Variants in TRANK1 observed in about 807,000 individuals in gnomAD.
The protein encoded by TRANK1 is tetratricopeptide repeat and ankyrin repeat containing 1, also known as TPR and ankyrin repeat-containing protein 1.
Under a neutral mutation model 266.0 loss-of-function variants are expected in TRANK1, and 198 were observed. The ratio of observed to expected loss-of-function variants is 0.74; its 90% CI spans 0.66 to 0.84. TRANK1 has a LOEUF of 0.84. Ranked by LOEUF, TRANK1 falls within the 40% of genes least tolerant of loss-of-function variation. The pLI is 0.00. For synonymous variants in TRANK1, 1,396 were observed against 1,384.1 expected, an observed-to-expected ratio of 1.01 and a Z score of -0.19; for missense variants, 3,326 against 3,634.6, an observed-to-expected ratio of 0.92 and a Z score of 2.18.
chr3:36,937,912 A>T (rs139869838), intron 1 of TRANK1, among the ~76,000 whole-genome samples: 1 of 152,296 alleles, frequency 6.6e-6, no homozygotes, highest in African/African-American at 2.4e-5. Flanking sequence ...CAGCCCAGGC[A>T]TCTCCCCACC....
chr3:36,857,548 G>A lies in TRANK1; in HGVS notation c.2174C>T (p.Pro725Leu), dbSNP rs750378281. ...CATAAGGCAGTCTCTCAGCGAGCAG[G>A]GCCTGAGAGCTCCAGGCTCCTTCCT... ...VTRKEPGALRPCSLRDCLMQD... is the reference protein window; with the variant it reads ...VTRKEPGALRLCSLRDCLMQD... Residue 725 changes from proline to leucine, a missense_variant, in exon 13 of 24, where the codon CCC becomes CTC. Coordinates refer to ENST00000645898, the MANE Select transcript of TRANK1 (RefSeq NM_001329998.2). This position sits in a 1 kb window ranked among gnomAD's most constrained non-coding sequence, Gnocchi z 4.3. 3.7e-6 allele frequency: 6 copies of A among 1,613,998 alleles called. No homozygotes were observed. The highest frequency in any genetic ancestry group is 3.4e-6 in the Non-Finnish European group (4 of 1,179,902).
At chr3:36,837,454 T>TCAC (rs2078785797) in intron 20 of TRANK1, among the ~76,000 whole-genome samples, 1 of 152,074 alleles carries the variant, frequency 6.6e-6, no homozygotes, top group African/African-American at 2.4e-5. Context: ...ATCCCATGAG[T>TCAC]CACCATATTT....
chr3:36,839,175 G>C (rs2078810319), intron 18 of TRANK1, among the ~76,000 whole-genome samples: 2 of 152,168 alleles, frequency 1.3e-5, no homozygotes, highest in African/African-American at 4.8e-5. Flanking sequence ...ACACGTACTG[G>C]AGGTAGAAAT....
chr3:36,878,789 A>C (rs942904583), intron 8 of TRANK1, among the ~76,000 whole-genome samples: 60 of 144,982 alleles, frequency 4.1e-4, no homozygotes, highest in African/African-American at 1.4e-3. Context: ...AAAAAAAAAA[A>C]GAAAGAAAAG....
In TRANK1 at chr3:36,856,647, G is replaced by A. The variant is rs2079059190; in HGVS notation, c.3075C>T (p.Asn1025=). The A allele has an allele frequency of 7.4e-6, 12 of 1,614,022 alleles. No homozygotes were observed. The highest frequency in any genetic ancestry group is 2.2e-5 in the East Asian group (1 of 44,880). ...TGCTGAAGCTGTGGAACTTCATGAT[G>A]TTATATTCTGTCTCCACTGCACTGG... The part of the protein sequence containing the change: ...PPASAVETEY[N]IMKFHSFSTN... Residue 1025 remains asparagine (N), a synonymous_variant, in exon 13 of 24, where the codon AAC becomes AAT. Transcript: ENST00000645898.
chr3:36,879,404 T>A (rs2079439939), intron 8 of TRANK1, among the ~76,000 whole-genome samples: 1 of 150,910 alleles, frequency 6.6e-6, no homozygotes, highest in African/African-American at 2.4e-5. Context: ...AGTAACCAGT[T>A]CTACTGATGA....
chr3:36,929,098 A>G (rs534897758), intron 1 of TRANK1, among the ~76,000 whole-genome samples: 3 of 152,134 alleles, frequency 2.0e-5, no homozygotes, highest in Admixed American at 6.6e-5. Flanking sequence ...AAAGAGTAGA[A>G]AAGGGAATCT....
intron 9 of TRANK1, among the ~76,000 whole-genome samples, chr3:36,870,245 A>G (rs2079285939): frequency 6.6e-6 from 1 of 152,138 alleles, no homozygotes; most frequent in South Asian, 2.1e-4. Context: ...CCATCTCTAC[A>G]AAAAATACAA....
chr3:36,844,535 T>G (rs2078890249), intron 17 of TRANK1, among the ~76,000 whole-genome samples: 1 of 152,114 alleles, frequency 6.6e-6, no homozygotes, highest in Admixed American at 6.5e-5. Flanking sequence ...CCATATGATC[T>G]CTTATAGTGG....
At chr3:36,940,533 G>C (rs1365760076) in intron 1 of TRANK1, among the ~76,000 whole-genome samples, 1 of 151,260 alleles carries the variant, frequency 6.6e-6, no homozygotes, top group Non-Finnish European at 1.5e-5. Flanking sequence ...CCTTTAATCT[G>C]GAGTGTCCCT....
intron 18 of TRANK1, among the ~76,000 whole-genome samples, chr3:36,842,340 T>C (rs888850045): frequency 1.3e-5 from 2 of 152,202 alleles, no homozygotes; most frequent in Non-Finnish European, 2.9e-5. Flanking sequence ...AAAGAAAATA[T>C]ATACAAGGAT....
chr3:36,848,587 T>C (rs998963893), intron 15 of TRANK1, among the ~76,000 whole-genome samples: 1 of 152,206 alleles, frequency 6.6e-6, no homozygotes, highest in Non-Finnish European at 1.5e-5. Flanking sequence ...CTTAAGTTAC[T>C]CCATCACTTG....
At chr3:36,905,560 T>C (rs1308490330) in intron 2 of TRANK1, among the ~76,000 whole-genome samples, 1 of 152,108 alleles carries the variant, frequency 6.6e-6, no homozygotes, top group East Asian at 1.9e-4. Context: ...AAAAATAAAT[T>C]TCTGTTGTTT....
chr3:36,887,279 T>C (rs1051675616), intron 8 of TRANK1, among the ~76,000 whole-genome samples: 1 of 152,202 alleles, frequency 6.6e-6, no homozygotes, highest in Non-Finnish European at 1.5e-5. Context: ...CAAGAGCCAA[T>C]TGTTTAATGT....
At chr3:36,915,733 G>T (rs917981117) in intron 1 of TRANK1, among the ~76,000 whole-genome samples, 2 of 152,142 alleles carry the variant, frequency 1.3e-5, no homozygotes, top group African/African-American at 2.4e-5. Flanking sequence ...AAAGTAGAGG[G>T]TATAAGAAAG....
chr3:36,894,383 CA>C (rs1056073477), intron 5 of TRANK1, among the ~76,000 whole-genome samples: 3 of 152,224 alleles, frequency 2.0e-5, no homozygotes, highest in Non-Finnish European at 4.4e-5. Context: ...CACAGAATTT[CA>C]AAACTTTTTA....
At chr3:36,837,257 C>G (rs145249536) in intron 20 of TRANK1, among the ~76,000 whole-genome samples, 1 of 152,198 alleles carries the variant, frequency 6.6e-6, no homozygotes, top group Non-Finnish European at 1.5e-5. Context: ...CTCTAGAGAG[C>G]AGCGTTGTAT....
At chr3:36,914,450 C>T (rs866759013) in intron 1 of TRANK1, among the ~76,000 whole-genome samples, 1 of 137,706 alleles carries the variant, frequency 7.3e-6, no homozygotes, top group Non-Finnish European at 1.5e-5. Flanking sequence ...TGGTGTCTTC[C>T]TTTTTTTTTT....
chr3:36,869,030 G>A (rs2079267456), intron 9 of TRANK1, among the ~76,000 whole-genome samples: 1 of 152,260 alleles, frequency 6.6e-6, no homozygotes, highest in Non-Finnish European at 1.5e-5. Context: ...ATCAGGTAGA[G>A]AAAGTGGACA....
Sources: gnomAD v4.1 joint callset for allele counts (sites outside exome capture counted in the v4.1 genomes callset) on GRCh38, gnomAD v4.1.1 for gene constraint, Gnocchi (gnomAD v3.1) non-coding constraint, MANE v1.5 for transcripts, NCBI Gene and HGNC (gene_info 2026-07-23, HGNC 2026-07-21) for gene names.